The following SERPINB6 variants were observed in gnomAD, a reference collection of about 807,000 sequenced individuals.
SERPINB6 encodes the protein serpin family B member 6.
Under a neutral mutation model 26.1 loss-of-function variants are expected in SERPINB6, and 16 were observed. The observed-to-expected ratio is 0.61, with a 90% CI of 0.42 to 0.93. The LOEUF (loss-of-function observed/expected upper bound fraction) is 0.93, where lower values mean the gene tolerates loss of function less well. Ranked by LOEUF, SERPINB6 falls within the 40% of genes least tolerant of loss-of-function variation. The pLI is 0.00. For missense variants in SERPINB6, 420 were observed against 478.0 expected (o/e 0.88, Z 1.13); for synonymous variants, 174 against 176.6 (o/e 0.99, Z 0.11).
rs549005817 is a variant in SERPINB6, at chr6:2,954,252, T to A, written c.430+340A>T. Reference sequence around the variant, plus strand: ...GGCAGCTTGAGATCCACACTGCGAATTTTTTATGTTACTTGTGAAAGGAAA... The same window carrying A: ...GGCAGCTTGAGATCCACACTGCGAAATTTTTATGTTACTTGTGAAAGGAAA... On this transcript the variant is annotated intron_variant, in intron 4 of 6. Transcript: ENST00000380539. Among the ~76,000 whole-genome samples the A allele has an allele frequency of 5.9e-5, 9 of 152,322 alleles. No homozygotes were observed. The South Asian group carries it at 1.4e-3, about 25-fold the overall frequency.
At position 2,971,140 on chromosome 6, in the gene SERPINB6, C is replaced by A. The variant is rs1056472461; in HGVS notation, c.-11+393G>T. On this transcript the variant is annotated intron_variant, in intron 1 of 6. Transcript: ENST00000380539. The stretch of plus-strand genomic sequence containing the variant: ...ACCTGTGGCCCGGGAGGCTCTGCGC[C>A]GCCCCCATCCCGCGCCGGCCGCCTC... The A allele has an allele frequency of 1.8e-4, 185 of 1,025,106 alleles. No individual in the cohort carries two copies. The highest frequency in any genetic ancestry group is 2.1e-4 in the Non-Finnish European group (182 of 856,418). 63.5% of individuals were successfully genotyped at this position (1,025,106 alleles called of 1,614,324 possible). A position where few individuals can be genotyped will look rare whatever the true frequency, so the allele number is the denominator to read the frequency against.
intron 1 of SERPINB6, chr6:2,970,589 A>C: frequency 8.2e-7 from 1 of 1,215,974 alleles, no homozygotes; most frequent in South Asian, 4.3e-5. Context: ...GTCATTAGGC[A>C]CGAGAGCATC....
chr6:2,970,159 T>C (rs1772007369), intron 1 of SERPINB6: 1 of 985,120 alleles, frequency 1.0e-6, no homozygotes, highest in Non-Finnish European at 1.2e-6. Flanking sequence ...CCTGGGACCG[T>C]ACAACATCTG....
rs143603968 is a variant in SERPINB6 at position 2,966,324 on chromosome 6, G to GTT, written c.-11+5207_-11+5208dup. 1,879 of 942,392 alleles carry GTT rather than the reference G, an allele frequency of 2.0e-3. 1 individual carries two copies. Among genetic ancestry groups the GTT allele is most frequent in the East Asian group, 2.4e-3 (20 of 8,476 alleles). 58.4% of individuals were successfully genotyped at this position (942,392 alleles called of 1,614,324 possible). ...AAACAATATATTTCAATTTGCTGATGTTTTTTTTTCTTCTTGTTCTAATTG... is the reference window on the plus strand; with the variant it reads ...AAACAATATATTTCAATTTGCTGATGTTTTTTTTTTTCTTCTTGTTCTAATTG... On this transcript the variant is annotated intron_variant, in intron 1 of 6. Transcript: ENST00000380539.
intron 1 of SERPINB6, chr6:2,970,605 A>G (rs1772049517): frequency 2.2e-5 from 27 of 1,220,460 alleles, no homozygotes; most frequent in Non-Finnish European, 2.8e-5. Flanking sequence ...GCATCCCAGA[A>G]AGCAAAAGTG....
chr6:2,965,944 G>A (rs1344400977), intron 1 of SERPINB6, among the ~76,000 whole-genome samples: 2 of 152,144 alleles, frequency 1.3e-5, no homozygotes, highest in Non-Finnish European at 2.9e-5. Flanking sequence ...GACTAGTTAG[G>A]GCAGCTTTGA....
intron 5 of SERPINB6, among the ~76,000 whole-genome samples, chr6:2,949,281 C>G (rs895083181): frequency 6.6e-6 from 1 of 152,228 alleles, no homozygotes; most frequent in African/African-American, 2.4e-5. Flanking sequence ...TGTCTTTCCT[C>G]TCATTGATCG....
At chr6:2,968,353 T>C (rs2113350377) in intron 1 of SERPINB6, 7 of 355,446 alleles carry the variant, frequency 2.0e-5, no homozygotes, top group Non-Finnish European at 2.8e-5. Context: ...TATTGGGTAC[T>C]AGGCTTAGTA....
intron 5 of SERPINB6, among the ~76,000 whole-genome samples, chr6:2,950,425 C>T (rs1246598476): frequency 2.0e-5 from 3 of 150,838 alleles, no homozygotes; most frequent in South Asian, 2.1e-4. Flanking sequence ...CCCAGCTACT[C>T]GGGAGGCTGA....
Position 2,948,234 on chromosome 6 carries a change from A to C in SERPINB6, c.*64T>G. Reference sequence around the variant, plus strand: ...GCACGGATAAGGCCACTTGGGTTGCAGGCACACTGTGGAGTGTCAGGGGAC... The same window carrying C: ...GCACGGATAAGGCCACTTGGGTTGCCGGCACACTGTGGAGTGTCAGGGGAC... On this transcript the variant is annotated 3_prime_UTR_variant, in exon 7 of 7. Coordinates refer to ENST00000380539, the MANE Select transcript of SERPINB6 (RefSeq NM_004568.6). The surrounding 1 kb of genome is among the most constrained non-coding windows in gnomAD (Gnocchi z 5.0). The C allele has an allele frequency of 1.3e-6, 2 of 1,595,346 alleles. No individual in the cohort carries two copies. The highest frequency in any genetic ancestry group is 1.7e-6 in the Non-Finnish European group (2 of 1,164,814).
intron 5 of SERPINB6, among the ~76,000 whole-genome samples, chr6:2,951,706 C>T (rs1769832900): frequency 1.3e-5 from 2 of 152,208 alleles, no homozygotes; most frequent in South Asian, 4.1e-4. Context: ...TGGCCTCAGG[C>T]TGGTACGCTC....
intron 1 of SERPINB6, chr6:2,959,862 T>C (rs1245265457): frequency 5.1e-6 from 1 of 196,142 alleles, no homozygotes; most frequent in East Asian, 1.4e-4. Flanking sequence ...TCAAGCCACA[T>C]ACAAAGATGC....
At chr6:2,960,588 G>A (rs897078776) in intron 1 of SERPINB6, 2 of 152,416 alleles carry the variant, frequency 1.3e-5, no homozygotes, top group African/African-American at 4.8e-5. Context: ...GGGAACCCAC[G>A]GAACAAGGAA....
intron 4 of SERPINB6, 41 bp from the exon 5 acceptor site, chr6:2,953,227 T>C: frequency 1.9e-6 from 3 of 1,613,558 alleles, no homozygotes; most frequent in Non-Finnish European, 2.5e-6. Flanking sequence ...TAGGGGCGGC[T>C]GCGGATCCCC....
intron 2 of SERPINB6, among the ~76,000 whole-genome samples, chr6:2,958,580 A>C (rs1561681999): frequency 6.8e-6 from 1 of 146,034 alleles, no homozygotes; most frequent in Non-Finnish European, 1.5e-5. Context: ...CCAGCGGAGA[A>C]GGCCACGGAG....
intron 1 of SERPINB6, chr6:2,969,647 T>C: frequency 1.0e-6 from 1 of 985,394 alleles, no homozygotes; most frequent in Non-Finnish European, 1.2e-6. Flanking sequence ...CACTATTGAA[T>C]TGTGCTTCTC....
chr6:2,962,886 C>A (rs1194915081), intron 1 of SERPINB6, among the ~76,000 whole-genome samples: 1 of 152,192 alleles, frequency 6.6e-6, no homozygotes, highest in Admixed American at 6.5e-5. Flanking sequence ...CAGCAGCCAC[C>A]AGCACAGCTG....
Position 2,948,740 on chromosome 6 carries a change from G to T in SERPINB6, c.730-41C>A. 6.2e-7 allele frequency: 1 copy of T among 1,600,986 alleles called. No homozygotes were observed. The highest frequency in any genetic ancestry group is 8.6e-7 in the Non-Finnish European group (1 of 1,168,586). ...TGAAGACTTTAAGACCCAGGGTGCT[G>T]CTGCCCAGCAGGGCCCTGTGCTATG... On this transcript the variant is annotated intron_variant, in intron 6 of 6. Transcript: ENST00000380539. The surrounding 1 kb of genome is among the most constrained non-coding windows in gnomAD (Gnocchi z 5.0).
At chr6:2,953,318 A>C in intron 4 of SERPINB6, 132 bp from the exon 5 acceptor site, 1 of 1,200,154 alleles carries the variant, frequency 8.3e-7, no homozygotes, top group Non-Finnish European at 1.2e-6. Flanking sequence ...CCCAAATATA[A>C]AGGGATACGT....
Sources: allele counts gnomAD v4.1 joint callset (sites outside exome capture counted in the v4.1 genomes callset), GRCh38; gene constraint gnomAD v4.1.1; non-coding constraint Gnocchi (gnomAD v3.1); transcripts MANE v1.5; gene names NCBI Gene and HGNC (gene_info 2026-07-23, HGNC 2026-07-21).